Variants in SUCLG1 observed in about 807,000 individuals in gnomAD.
SUCLG1 encodes succinate--CoA ligase [ADP/GDP-forming] subunit alpha, mitochondrial.
A neutral mutation model predicts 37.3 loss-of-function variants in SUCLG1; 26 were observed. That is an observed-to-expected ratio of 0.70 (90% confidence interval 0.51 to 0.97). The LOEUF (loss-of-function observed/expected upper bound fraction) is 0.97. Ranked by LOEUF, SUCLG1 falls within the 50% of genes least tolerant of loss-of-function variation. The probability of loss-of-function intolerance (pLI) is 0.00; values close to 1 mark genes in which losing one functional copy is unlikely to be tolerated. For synonymous variants in SUCLG1, 163 were observed against 155.6 expected, an observed-to-expected ratio of 1.05 and a Z score of -0.36; for missense variants, 433 against 432.9, an observed-to-expected ratio of 1.00 and a Z score of 0.00.
In SUCLG1 at chr2:84,438,137, G is replaced by C. The variant is rs570944315; in HGVS notation, c.589+2910C>G. ...TGGTTATAGAAAAGTTCTCTATATT[G>C]ACTGTATCAATGTCAATATCCTGTT... On this transcript the variant is annotated intron_variant, in intron 5 of 8. Transcript: ENST00000393868. Among the ~76,000 whole-genome samples, 10 of 152,308 alleles carry C rather than the reference G, an allele frequency of 6.6e-5. No individual in the cohort carries two copies. The East Asian group carries it at 1.9e-3, about 29-fold the overall frequency.
chr2:84,446,715 G>A (rs1558613345), intron 2 of SUCLG1, among the ~76,000 whole-genome samples: 1 of 151,884 alleles, frequency 6.6e-6, no homozygotes, highest in Non-Finnish European at 1.5e-5. Context: ...AAGGAAGGGA[G>A]AGAGGGAGGG....
chr2:84,442,975 C>T (rs538406330), intron 3 of SUCLG1, among the ~76,000 whole-genome samples: 1 of 152,268 alleles, frequency 6.6e-6, no homozygotes, highest in African/African-American at 2.4e-5. Flanking sequence ...CTGCATAGTC[C>T]CCACTCAGGA....
Position 84,431,452 on chromosome 2 carries a change from A to G in SUCLG1, c.825+56T>C, listed in dbSNP as rs1672612611. On this transcript the variant is annotated intron_variant, in intron 7 of 8. Transcript: ENST00000393868. Reference sequence around the variant, plus strand: ...TTTGAAAAAATAAAAATAACTTCTGAAACAAGCCTCTGATATTAAGAGCAA... The same window carrying G: ...TTTGAAAAAATAAAAATAACTTCTGGAACAAGCCTCTGATATTAAGAGCAA... 2.5e-6 allele frequency: 4 copies of G among 1,603,702 alleles called. No homozygotes were observed. In the Admixed American group the frequency reaches 6.9e-5, roughly 28 times the overall value.
chr2:84,434,505 C>T (rs1672656641), intron 5 of SUCLG1, among the ~76,000 whole-genome samples: 1 of 152,114 alleles, frequency 6.6e-6, no homozygotes, highest in Non-Finnish European at 1.5e-5. Flanking sequence ...AGTTAGATGT[C>T]TTCTCTTGTA....
In SUCLG1 at chr2:84,441,283, T is replaced by C. The variant is rs764515402; in HGVS notation, c.495A>G (p.Thr165=). ...CAGGGCAGTTGGGCCCAATTAGCCTTGTCTTTTCCTGGCGCAGCAGTTTGT... is the reference window on the plus strand; with the variant it reads ...CAGGGCAGTTGGGCCCAATTAGCCTCGTCTTTTCCTGGCGCAGCAGTTTGT... The part of the protein sequence containing the change: ...VKHKLLRQEK[T]RLIGPNCPGV... The change falls in exon 4 of 9, where the codon ACA becomes ACG. Residue 165 remains threonine, a synonymous_variant. Coordinates refer to ENST00000393868, the MANE Select transcript of SUCLG1 (RefSeq NM_003849.4). The C allele has an allele frequency of 1.9e-6, 3 of 1,614,164 alleles. No individual in the cohort carries two copies. Among genetic ancestry groups the C allele is most frequent in the Non-Finnish European group, 8.5e-7 (1 of 1,180,020 alleles).
intron 3 of SUCLG1, 24 bp downstream of exon 3, chr2:84,443,260 C>G: frequency 6.2e-7 from 1 of 1,600,404 alleles, no homozygotes; most frequent in Non-Finnish European, 8.6e-7. Context: ...TCTTGTCTTG[C>G]CAAACTCAGG....
At chr2:84,450,711 G>T (rs1672926754) in intron 1 of SUCLG1, among the ~76,000 whole-genome samples, 1 of 152,088 alleles carries the variant, frequency 6.6e-6, no homozygotes, top group East Asian at 1.9e-4. Context: ...AACAAAAAAA[G>T]AACACCTGTC....
chr2:84,448,144 A>T (rs1018615831), intron 2 of SUCLG1, among the ~76,000 whole-genome samples: 6 of 150,120 alleles, frequency 4.0e-5, no homozygotes, highest in African/African-American at 1.5e-4. Context: ...GTCCACTGCA[A>T]CACATTCGTG....
intron 7 of SUCLG1, among the ~76,000 whole-genome samples, chr2:84,431,141 G>GA (rs957239926): frequency 1.6e-4 from 25 of 152,222 alleles, no homozygotes; most frequent in South Asian, 6.2e-4. Context: ...TTGAAAAAGA[G>GA]AAAAAACCAC....
chr2:84,425,428 G>C lies in SUCLG1; in HGVS notation c.1001C>G (p.Thr334Ser). The C allele has an allele frequency of 6.2e-7, 1 of 1,614,174 alleles. No homozygotes were observed. Among genetic ancestry groups the C allele is most frequent in the Non-Finnish European group, 8.5e-7 (1 of 1,180,034 alleles). Residue 334 changes from threonine (T) to serine (S), a missense_variant, in exon 8 of 9, where the codon ACC becomes AGC. Physicochemically the swap from Thr to Ser is moderately conservative, Grantham distance 58. Coordinates refer to ENST00000393868, the MANE Select transcript of SUCLG1 (RefSeq NM_003849.4). The part of the protein sequence containing the change: ...VVSMSPAQLG[T>S]TIYKEFEKRK... ...GTTGGAGCTCACCTTGTAGATCGTG[G>C]TTCCCAGCTGTGCAGGAGACATACT...
Position 84,423,542 on chromosome 2 carries a change from T to A in SUCLG1, c.*204A>T. ...CCAAAACCATATTGAAATCAAATAGTAGATTTATTGGCTGTCTCTGTAATA... is the reference window on the plus strand; with the variant it reads ...CCAAAACCATATTGAAATCAAATAGAAGATTTATTGGCTGTCTCTGTAATA... On this transcript the variant is annotated 3_prime_UTR_variant, in exon 9 of 9. Transcript: ENST00000393868. The A allele has an allele frequency of 1.6e-6, 1 of 619,408 alleles. No individual in the cohort carries two copies. The highest frequency in any genetic ancestry group is 2.9e-6 in the Non-Finnish European group (1 of 343,786). 38.4% of individuals were successfully genotyped at this position (619,408 alleles called of 1,614,324 possible). A position where few individuals can be genotyped will look rare whatever the true frequency, so the allele number is the denominator to read the frequency against.
chr2:84,438,829 G>C (rs1168186871), intron 5 of SUCLG1, among the ~76,000 whole-genome samples: 1 of 152,050 alleles, frequency 6.6e-6, no homozygotes, highest in Non-Finnish European at 1.5e-5. Flanking sequence ...TAGCTAGCTA[G>C]AAGTTTGTAA....
chr2:84,426,008 G>A lies in SUCLG1; in HGVS notation c.826-405C>T. 1.1e-5 allele frequency: 3 copies of A among 267,538 alleles called. No homozygotes were observed. In the South Asian group the frequency reaches 1.2e-4, roughly 11 times the overall value. The allele number at this position is 267,538 out of a possible 1,614,324, so 16.6% of individuals were successfully genotyped here. ...CATTATTAGTTCACCCTTAATAAAT[G>A]TGCTAAAAGAAAAAGATGAGGTGGG... On this transcript the variant is annotated intron_variant, in intron 7 of 8. Transcript: ENST00000393868.
intron 7 of SUCLG1, chr2:84,426,079 G>T (rs2104237435): frequency 5.5e-6 from 1 of 183,284 alleles, no homozygotes; most frequent in South Asian, 1.1e-4. Context: ...AGTAACAAAA[G>T]CTGCACGACC....
At chr2:84,429,434 C>T (rs1004727472) in intron 7 of SUCLG1, among the ~76,000 whole-genome samples, 1 of 151,988 alleles carries the variant, frequency 6.6e-6, no homozygotes, top group Non-Finnish European at 1.5e-5. Flanking sequence ...GGGAATCTAA[C>T]ATTTTACTCC....
At position 84,431,728 on chromosome 2, in the gene SUCLG1, G is replaced by A; in HGVS notation, c.674-69C>T. 4.6e-6 allele frequency: 7 copies of A among 1,527,414 alleles called. No homozygotes were observed. The East Asian group carries it at 9.1e-5, about 20-fold the overall frequency. The allele number at this position is 1,527,414 out of a possible 1,614,324, so 94.6% of individuals were successfully genotyped here. On this transcript the variant is annotated intron_variant, in intron 6 of 8. Transcript: ENST00000393868. ...AACCATGGAATTTAGGTCAATAAAT[G>A]TTTTTAACTAGTTTGTCATTTTTCT...
chr2:84,444,599 A>G (rs538269168), intron 2 of SUCLG1, among the ~76,000 whole-genome samples: 2 of 152,308 alleles, frequency 1.3e-5, no homozygotes, highest in South Asian at 2.1e-4. Flanking sequence ...TGCATTGATA[A>G]TATCTTATCA....
chr2:84,443,380 C>T lies in SUCLG1; in HGVS notation c.222G>A (p.Gln74=). 1 of 1,614,134 alleles carries T rather than the reference C, an allele frequency of 6.2e-7. No individual in the cohort carries two copies. The highest frequency in any genetic ancestry group is 8.5e-7 in the Non-Finnish European group (1 of 1,179,986). The part of the protein sequence containing the change: ...TGKQGTFHSQ[Q]ALEYGTKLVG... ...CGAGTTTGGTGCCATATTCCAATGCCTGCTGGCTGTGAAAGGTGCCCTGAG... is the reference window on the plus strand; with the variant it reads ...CGAGTTTGGTGCCATATTCCAATGCTTGCTGGCTGTGAAAGGTGCCCTGAG... The change falls in exon 3 of 9, where the codon CAG becomes CAA. Residue 74 remains glutamine (Q), a synonymous_variant. Coordinates refer to ENST00000393868, the MANE Select transcript of SUCLG1 (RefSeq NM_003849.4).
At position 84,434,087 on chromosome 2, in the gene SUCLG1, C is replaced by A. The variant is rs533476147; in HGVS notation, c.590-652G>T. On this transcript the variant is annotated intron_variant, in intron 5 of 8. Coordinates refer to ENST00000393868, the MANE Select transcript of SUCLG1 (RefSeq NM_003849.4). ...TGCCATGAGTAAAAGATTCCTGAGG[C>A]CTCACCAGAAGCTGAACAGATGCTA... Among the ~76,000 whole-genome samples, 22 of 152,292 alleles carry A rather than the reference C, an allele frequency of 1.4e-4. No homozygotes were observed. The East Asian group carries it at 4.1e-3, about 28-fold the overall frequency.
Sources: allele counts gnomAD v4.1 joint callset (sites outside exome capture counted in the v4.1 genomes callset), GRCh38; gene constraint gnomAD v4.1.1; transcripts MANE v1.5; gene names NCBI Gene and HGNC (gene_info 2026-07-23, HGNC 2026-07-21).